PCDHGB5: variants seen among roughly 807,000 people sequenced by gnomAD.
PCDHGB5 encodes the protein protocadherin gamma-B5.
Under a neutral mutation model 62.9 loss-of-function variants are expected in PCDHGB5, and 48 were observed. The observed-to-expected ratio is 0.76, with a 90% CI of 0.61 to 0.97. The LOEUF is 0.97. Ranked by LOEUF, PCDHGB5 falls within the 50% of genes least tolerant of loss-of-function variation. The probability of loss-of-function intolerance (pLI) is 0.00; values close to 1 mark genes in which losing one functional copy is unlikely to be tolerated. For missense variants in PCDHGB5, 1,118 were observed against 1,198.6 expected (o/e 0.93, Z 0.99); for synonymous variants, 474 against 511.2 (o/e 0.93, Z 0.98).
chr5:141,427,994 C>T, intron 1 of PCDHGB5: 1 of 1,599,396 alleles, frequency 6.3e-7, no homozygotes, highest in Non-Finnish European at 8.6e-7. Flanking sequence ...CCGATGGCTC[C>T]GCACTCTTCG....
intron 1 of PCDHGB5, chr5:141,404,124 C>G: frequency 1.2e-6 from 2 of 1,613,272 alleles, no homozygotes; most frequent in Non-Finnish European, 1.7e-6. Flanking sequence ...GAGAATCTAT[C>G]TTTTACATTA....
chr5:141,455,587 T>C (rs1383947901), intron 1 of PCDHGB5, among the ~76,000 whole-genome samples: 1 of 152,162 alleles, frequency 6.6e-6, no homozygotes, highest in African/African-American at 2.4e-5. Flanking sequence ...CCTTTTAATA[T>C]GCAAACGTAG....
intron 1 of PCDHGB5, among the ~76,000 whole-genome samples, chr5:141,460,135 T>G (rs2098983196): frequency 6.6e-6 from 1 of 152,044 alleles, no homozygotes; most frequent in South Asian, 2.1e-4. Flanking sequence ...ATATATATAT[T>G]CTTGATGTGA....
chr5:141,415,588 A>G lies in PCDHGB5; in HGVS notation c.2397+15064A>G, dbSNP rs769216282. 3.3e-5 allele frequency: 53 copies of G among 1,613,874 alleles called. No individual in the cohort carries two copies. Among genetic ancestry groups the G allele is most frequent in the Admixed American group, 3.3e-5 (2 of 59,998 alleles). ...TTTGTTAGATGATTCGAAGTTTCCT[A>G]TAGAGGATACCCCATTGGTTCCAGT... On this transcript the variant is annotated intron_variant, in intron 1 of 3. Transcript: ENST00000617380.
At chr5:141,403,748 G>A in intron 1 of PCDHGB5, 1 of 1,613,956 alleles carries the variant, frequency 6.2e-7, no homozygotes, top group East Asian at 2.2e-5. Context: ...TACTGCAACA[G>A]CCAGCGACCT....
intron 1 of PCDHGB5, among the ~76,000 whole-genome samples, chr5:141,443,505 A>G (rs553893860): frequency 4.4e-4 from 67 of 152,222 alleles, no homozygotes; most frequent in African/African-American, 1.4e-3. Context: ...AAACAAATAA[A>G]GAGCTTCTCT....
chr5:141,419,729 G>T (rs1436631336), intron 1 of PCDHGB5: 1 of 1,613,758 alleles, frequency 6.2e-7, no homozygotes, highest in Admixed American at 1.7e-5. Context: ...GCTGCGAACA[G>T]GCGAGGTGCG....
Position 141,503,868 on chromosome 5 carries a change from G to A in PCDHGB5, c.2457-1525G>A, listed in dbSNP as rs928240898. Among the ~76,000 whole-genome samples, 24 of 152,202 alleles carry A rather than the reference G, an allele frequency of 1.6e-4. No individual in the cohort carries two copies. The South Asian group carries it at 4.1e-3, about 26-fold the overall frequency. ...TTGGAAAAATTGTAAAGCAGTTCTT[G>A]GTTGTGCTCACCCACCATGACAAAA... On this transcript the variant is annotated intron_variant, in intron 2 of 3. Coordinates refer to ENST00000617380, the MANE Select transcript of PCDHGB5 (RefSeq NM_018925.3).
chr5:141,463,574 G>A (rs942457606), intron 1 of PCDHGB5, among the ~76,000 whole-genome samples: 1 of 146,978 alleles, frequency 6.8e-6, no homozygotes, highest in Non-Finnish European at 1.5e-5. Flanking sequence ...TCAGCCTCCC[G>A]AGTAGCTGGG....
chr5:141,455,855 C>A (rs1267803457), intron 1 of PCDHGB5, among the ~76,000 whole-genome samples: 4 of 147,088 alleles, frequency 2.7e-5, no homozygotes, highest in African/African-American at 1.0e-4. Flanking sequence ...AAAATAATTT[C>A]TTTTATTATT....
Position 141,489,793 on chromosome 5 carries a change from C to T in PCDHGB5, c.2398-5014C>T, listed in dbSNP as rs749700050. On this transcript the variant is annotated intron_variant, in intron 1 of 3. Transcript: ENST00000617380. The surrounding 1 kb of genome is among the most constrained non-coding windows in gnomAD (Gnocchi z 4.5). ...CCACTTCTCTCTGAATGTGAAGACC[C>T]TAAAAGATGGGAAGCCATTCCCAGA... The T allele has an allele frequency of 6.2e-7, 1 of 1,614,044 alleles. No homozygotes were observed. Among genetic ancestry groups the T allele is most frequent in the Non-Finnish European group, 8.5e-7 (1 of 1,180,010 alleles).
At chr5:141,414,916 C>T in intron 1 of PCDHGB5, 2 of 1,614,194 alleles carry the variant, frequency 1.2e-6, no homozygotes, top group Non-Finnish European at 1.7e-6. Context: ...AGGCGTGGAG[C>T]TGGCGCCCCG....
intron 1 of PCDHGB5, chr5:141,409,128 T>C (rs755394129): frequency 6.2e-6 from 10 of 1,613,976 alleles, no homozygotes; most frequent in South Asian, 1.1e-5. Flanking sequence ...TCATTTGATT[T>C]TGAAGATGTA....
In PCDHGB5 at chr5:141,487,761, C is replaced by T. The variant is rs1331182183; in HGVS notation, c.2398-7046C>T. Reference sequence around the variant, plus strand: ...GTAAGAGGTAACTATGTGGTAGACGCTGTGCTTTGTAACTGTTTCGTGAAT... The same window carrying T: ...GTAAGAGGTAACTATGTGGTAGACGTTGTGCTTTGTAACTGTTTCGTGAAT... On this transcript the variant is annotated intron_variant, in intron 1 of 3. Coordinates refer to ENST00000617380, the MANE Select transcript of PCDHGB5 (RefSeq NM_018925.3). The surrounding 1 kb of genome is among the most constrained non-coding windows in gnomAD (Gnocchi z 5.0). 3.2e-6 allele frequency: 5 copies of T among 1,545,926 alleles called. No individual in the cohort carries two copies. Among genetic ancestry groups the T allele is most frequent in the South Asian group, 1.2e-5 (1 of 83,534 alleles).
Position 141,462,070 on chromosome 5 carries a change from G to A in PCDHGB5, c.2398-32737G>A, listed in dbSNP as rs572217894. Among the ~76,000 whole-genome samples the A allele has an allele frequency of 2.6e-5, 4 of 152,196 alleles. No homozygotes were observed. In the East Asian group the frequency reaches 7.7e-4, roughly 29 times the overall value. Reference sequence around the variant, plus strand: ...ACTCCCGACCTCAGGTGATCTGCCCGCCTTGGCCTCCCAAAATGCTGGGAT... The same window carrying A: ...ACTCCCGACCTCAGGTGATCTGCCCACCTTGGCCTCCCAAAATGCTGGGAT... On this transcript the variant is annotated intron_variant, in intron 1 of 3. Transcript: ENST00000617380.
Position 141,431,205 on chromosome 5 carries a change from A to T in PCDHGB5, c.2397+30681A>T, listed in dbSNP as rs1438031040. ...AAAATTAGTGAAAATGCAGCCACTG[A>T]GATGCGGTTCCCTCTACCCCACGCC... On this transcript the variant is annotated intron_variant, in intron 1 of 3. Transcript: ENST00000617380. This position sits in a 1 kb window ranked among gnomAD's most constrained non-coding sequence, Gnocchi z 4.8. 1.1e-5 allele frequency: 18 copies of T among 1,614,092 alleles called. No homozygotes were observed. Among genetic ancestry groups the T allele is most frequent in the Non-Finnish European group, 1.5e-5 (18 of 1,180,056 alleles).
rs769384438 is a variant in PCDHGB5 at position 141,399,944 on chromosome 5, A to G, written c.1817A>G (p.Gln606Arg). ...GCCTGGCTGTCCTACCACGTGCTGC[A>G]GGCTAGCGAGCCCGGGCTCTTCAGC... The part of the protein sequence containing the change: ...HNAWLSYHVL[Q>R]ASEPGLFSLG... Residue 606 changes from glutamine (Q) to arginine (R), a missense_variant, in exon 1 of 4, where the codon CAG becomes CGG. Gln to Arg is a conservative substitution (Grantham distance 43, BLOSUM62 1). Transcript: ENST00000617380. 2 of 1,612,254 alleles carry G rather than the reference A, an allele frequency of 1.2e-6. No individual in the cohort carries two copies. Among genetic ancestry groups the G allele is most frequent in the South Asian group, 2.2e-5 (2 of 91,026 alleles).
At chr5:141,419,741 A>G (rs769795920) in intron 1 of PCDHGB5, 1 of 1,613,856 alleles carries the variant, frequency 6.2e-7, no homozygotes. Context: ...CGAGGTGCGC[A>G]TGGTGCGTGC....
Position 141,431,975 on chromosome 5 carries a change from A to G in PCDHGB5, c.2397+31451A>G. 1 of 1,614,218 alleles carries G rather than the reference A, an allele frequency of 6.2e-7. No individual in the cohort carries two copies. Among genetic ancestry groups the G allele is most frequent in the Non-Finnish European group, 8.5e-7 (1 of 1,180,022 alleles). ...TTACGGAAATTACTATAGTTTAGTC[A>G]CAGACATAGTCTTGGATAGGGAACA... On this transcript the variant is annotated intron_variant, in intron 1 of 3. Transcript: ENST00000617380. The surrounding 1 kb of genome is among the most constrained non-coding windows in gnomAD (Gnocchi z 4.8).
Sources: gnomAD v4.1 joint callset for allele counts (sites outside exome capture counted in the v4.1 genomes callset) on GRCh38, gnomAD v4.1.1 for gene constraint, Gnocchi (gnomAD v3.1) non-coding constraint, MANE v1.5 for transcripts, NCBI Gene and HGNC (gene_info 2026-07-23, HGNC 2026-07-21) for gene names.